AP1AR: variants seen among roughly 807,000 people sequenced by gnomAD.
The protein encoded by AP1AR is adaptor related protein complex 1 associated regulatory protein.
AP1AR carries 29 observed loss-of-function variants against 46.3 expected under a neutral mutation model. The ratio of observed to expected loss-of-function variants is 0.63; its 90% CI spans 0.47 to 0.85. The LOEUF (loss-of-function observed/expected upper bound fraction) is 0.85. Ranked by LOEUF, AP1AR falls within the 40% of genes least tolerant of loss-of-function variation. The pLI, the probability that AP1AR is intolerant of heterozygous loss-of-function variation, is 0.00. For synonymous variants in AP1AR, 122 were observed against 122.9 expected (o/e 0.99, Z 0.05); for missense variants, 357 against 356.3 (o/e 1.00, Z -0.02).
At chr4:112,232,235 G>T in intron 1 of AP1AR, 61 bp downstream of exon 1, 2 of 1,247,098 alleles carry the variant, frequency 1.6e-6, no homozygotes, top group South Asian at 3.1e-5. Flanking sequence ...CCCCGGCGGG[G>T]AATCCCTTTC....
At chr4:112,255,210 C>T (rs989809647) in intron 3 of AP1AR, among the ~76,000 whole-genome samples, 2 of 152,130 alleles carry the variant, frequency 1.3e-5, no homozygotes, top group Admixed American at 1.3e-4. Context: ...CCGCCAGCCT[C>T]GGCCTCCCAA....
At chr4:112,241,821 A>G (rs1434910694) in intron 1 of AP1AR, among the ~76,000 whole-genome samples, 3 of 152,224 alleles carry the variant, frequency 2.0e-5, no homozygotes, top group Non-Finnish European at 2.9e-5. Context: ...TACTAATTGG[A>G]AAACAATGTT....
At chr4:112,250,032 T>C (rs1725889539) in intron 1 of AP1AR, among the ~76,000 whole-genome samples, 3 of 152,244 alleles carry the variant, frequency 2.0e-5, no homozygotes, top group African/African-American at 7.2e-5. Context: ...TGCCAGGCAC[T>C]TTAGAAGCAC....
intron 1 of AP1AR, among the ~76,000 whole-genome samples, chr4:112,232,845 A>G (rs1725075723): frequency 6.6e-6 from 1 of 152,226 alleles, no homozygotes; most frequent in South Asian, 2.1e-4. Context: ...GTCCTGTAAC[A>G]TTAGGTAAAT....
intron 4 of AP1AR, 38 bp downstream of exon 4, chr4:112,257,835 G>A: frequency 6.6e-7 from 1 of 1,509,012 alleles, no homozygotes; most frequent in African/African-American, 1.4e-5. Flanking sequence ...AAACTTCTAT[G>A]CAAACTGTAA....
chr4:112,258,826 C>T (rs1726315328), intron 4 of AP1AR, among the ~76,000 whole-genome samples: 1 of 152,124 alleles, frequency 6.6e-6, no homozygotes, highest in Non-Finnish European at 1.5e-5. Context: ...TTAAGTTATA[C>T]TTCAAAGAAA....
chr4:112,260,627 T>C lies in AP1AR; in HGVS notation c.186-139T>C. 3 of 540,232 alleles carry C rather than the reference T, an allele frequency of 5.6e-6. No homozygotes were observed. In the South Asian group the frequency reaches 1.0e-4, roughly 18 times the overall value. The allele number at this position is 540,232 out of a possible 1,614,324, so 33.5% of individuals were successfully genotyped here. On this transcript the variant is annotated intron_variant, in intron 4 of 9. Coordinates refer to ENST00000274000, the MANE Select transcript of AP1AR (RefSeq NM_018569.6). ...AATGTATACTTTTTACTCTTAACAA[T>C]TGAAGTTGTAGCAAATTGCTTTAAC...
intron 1 of AP1AR, 27 bp downstream of exon 1, chr4:112,232,201 C>A: frequency 1.6e-6 from 2 of 1,263,296 alleles, no homozygotes; most frequent in Non-Finnish European, 2.0e-6. Context: ...AGGGGCCCGG[C>A]CCCCGTGGCT....
At position 112,232,015 on chromosome 4, in the gene AP1AR, C is replaced by T. The variant is rs983528074; in HGVS notation, c.-77C>T. ...GAACCCCATTTCGGCTCGTGCCGTG[C>T]GGATGCAGCTGCCGGGCCTGGGTTT... is the stretch of plus-strand genomic sequence containing the variant. On this transcript the variant is annotated 5_prime_UTR_variant, in exon 1 of 10. Transcript: ENST00000274000. The T allele has an allele frequency of 5.6e-6, 7 of 1,259,768 alleles. No individual in the cohort carries two copies. The South Asian group carries it at 7.0e-5, about 13-fold the overall frequency. The allele number at this position is 1,259,768 out of a possible 1,614,324, so 78.0% of individuals were successfully genotyped here.
At chr4:112,266,820 T>A (rs1307560135) in intron 9 of AP1AR, 104 bp downstream of exon 9, 1 of 1,130,048 alleles carries the variant, frequency 8.8e-7, no homozygotes, top group Non-Finnish European at 1.2e-6. Flanking sequence ...ATTCAAGGCC[T>A]TGAAAAATCA....
chr4:112,252,691 T>C (rs1726010738), intron 1 of AP1AR, among the ~76,000 whole-genome samples: 1 of 152,236 alleles, frequency 6.6e-6, no homozygotes, highest in African/African-American at 2.4e-5. Flanking sequence ...TTTTCTCTTT[T>C]ATTTGTGAGG....
In AP1AR at chr4:112,268,140, A is replaced by T. The variant is rs1385238023; in HGVS notation, c.644-4A>T. On this transcript the variant is annotated splice_region_variant and splice_polypyrimidine_tract_variant and intron_variant, in intron 9 of 9. Transcript: ENST00000274000. The stretch of plus-strand genomic sequence containing the variant: ...GATTTTTGAAAACTCTGTTCAAATC[A>T]TAGGAATGAATAGAATGCTTCCAAT... The T allele has an allele frequency of 2.0e-6, 3 of 1,531,022 alleles. No individual in the cohort carries two copies. The Admixed American group carries it at 6.6e-5, about 34-fold the overall frequency. The allele number at this position is 1,531,022 out of a possible 1,614,324, so 94.8% of individuals were successfully genotyped here.
Position 112,264,991 on chromosome 4 carries a change from T to G in AP1AR, c.382-18T>G. The G allele has an allele frequency of 6.3e-7, 1 of 1,578,372 alleles. No homozygotes were observed. On this transcript the variant is annotated intron_variant, in intron 6 of 9. Coordinates refer to ENST00000274000, the MANE Select transcript of AP1AR (RefSeq NM_018569.6). ...TTTACAACAGAGTGATTTTTTTTAT[T>G]ACATTATGTTTCCAAAGCAAGAAAG...
chr4:112,245,404 A>C (rs1293065531), intron 1 of AP1AR, among the ~76,000 whole-genome samples: 1 of 152,146 alleles, frequency 6.6e-6, no homozygotes, highest in Non-Finnish European at 1.5e-5. Flanking sequence ...GGGAAGAATT[A>C]AGGAAGATCT....
intron 1 of AP1AR, among the ~76,000 whole-genome samples, chr4:112,251,921 T>A (rs145180747): frequency 1.3e-5 from 2 of 152,316 alleles, no homozygotes; most frequent in African/African-American, 2.4e-5. Context: ...TTCATTGCTA[T>A]TTTTTTCCTT....
chr4:112,254,991 C>T lies in AP1AR; in HGVS notation c.159+218C>T, dbSNP rs530386649. 158 of 250,628 alleles carry T rather than the reference C, an allele frequency of 6.3e-4. 2 individuals carry two copies. The Middle Eastern group carries it at 9.6e-3, about 15-fold the overall frequency. The allele number at this position is 250,628 out of a possible 1,614,324, so 15.5% of individuals were successfully genotyped here. A position where few individuals can be genotyped will look rare whatever the true frequency, so the allele number is the denominator to read the frequency against. On this transcript the variant is annotated intron_variant, in intron 3 of 9. Coordinates refer to ENST00000274000, the MANE Select transcript of AP1AR (RefSeq NM_018569.6). ...TTTTTTTTTTCTTGAGACGGAGTCT[C>T]GCTCTGTCTCCCAGGCTGGAGTGCA...
At chr4:112,251,737 G>A (rs2110478886) in intron 1 of AP1AR, among the ~76,000 whole-genome samples, 1 of 152,256 alleles carries the variant, frequency 6.6e-6, no homozygotes, top group Non-Finnish European at 1.5e-5. Flanking sequence ...GAGAAGAGTG[G>A]AGGCACTAGA....
At chr4:112,233,891 C>G (rs375185828) in intron 1 of AP1AR, among the ~76,000 whole-genome samples, 42 of 152,300 alleles carry the variant, frequency 2.8e-4, no homozygotes, top group African/African-American at 9.9e-4. Context: ...GAGTCTCGCT[C>G]TGTCGCCCAG....
intron 2 of AP1AR, among the ~76,000 whole-genome samples, chr4:112,253,741 C>T (rs1726062790): frequency 6.6e-6 from 1 of 152,196 alleles, no homozygotes; most frequent in African/African-American, 2.4e-5. Flanking sequence ...TCACAACTCT[C>T]TTGTAAACAG....
Sources: allele counts gnomAD v4.1 joint callset (sites outside exome capture counted in the v4.1 genomes callset), GRCh38; gene constraint gnomAD v4.1.1; transcripts MANE v1.5; gene names NCBI Gene and HGNC (gene_info 2026-07-23, HGNC 2026-07-21).